The following FOXD4L1 variants were observed in gnomAD, a reference collection of about 807,000 sequenced individuals.
The protein encoded by FOXD4L1 is forkhead box protein D4-like 1.
In FOXD4L1, 10 loss-of-function variants were observed where a neutral mutation model predicts 24.8. That is an observed-to-expected ratio of 0.40 (90% confidence interval 0.25 to 0.68). The LOEUF (loss-of-function observed/expected upper bound fraction) is 0.68. Among genes scored for constraint, FOXD4L1 ranks in the 30% least tolerant of loss-of-function variants. The pLI is 0.37. For synonymous variants in FOXD4L1, 159 were observed against 256.4 expected, an observed-to-expected ratio of 0.62 and a Z score of 3.63; for missense variants, 364 against 572.4, an observed-to-expected ratio of 0.64 and a Z score of 3.72.
In FOXD4L1 at chr2:113,500,854, G is replaced by A. The variant is rs764409178; in HGVS notation, c.*371G>A. The A allele has an allele frequency of 1.1e-5, 5 of 450,426 alleles. No individual in the cohort carries two copies. The South Asian group carries it at 1.7e-4, about 15-fold the overall frequency. 27.9% of individuals were successfully genotyped at this position (450,426 alleles called of 1,614,324 possible). A position where few individuals can be genotyped will look rare whatever the true frequency, so the allele number is the denominator to read the frequency against. ...TTCCTGGGGTACTATGAACGTGAGTGGGGTATTTTGTTCTGGCATTAGAAG... is the reference window on the plus strand; with the variant it reads ...TTCCTGGGGTACTATGAACGTGAGTAGGGTATTTTGTTCTGGCATTAGAAG... On this transcript the variant is annotated 3_prime_UTR_variant, in exon 1 of 1. Transcript: ENST00000306507.
chr2:113,499,205 G>A (rs200404227), exon 1 of FOXD4L1: 4 of 1,611,666 alleles, frequency 2.5e-6, no homozygotes, highest in African/African-American at 2.7e-5. Flanking sequence ...AGCCCGCCCC[G>A]GGCCAGGTGA....
At chr2:113,499,993 C>T in exon 1 of FOXD4L1, 4 of 1,584,768 alleles carry the variant, frequency 2.5e-6, no homozygotes, top group East Asian at 4.6e-5. Context: ...CAGCCAGTCC[C>T]GGGGGCCTAC....
chr2:113,499,636 G>A, exon 1 of FOXD4L1: 1 of 1,612,172 alleles, frequency 6.2e-7, no homozygotes. Context: ...CCGCACAAGC[G>A]CCTCACGCTC....
At position 113,500,511 on chromosome 2, in the gene FOXD4L1, C is replaced by T. The variant is rs760135516; in HGVS notation, c.*28C>T. The T allele has an allele frequency of 6.6e-6, 10 of 1,515,260 alleles. 2 individuals are homozygous for T. The African/African-American group carries it at 1.4e-4, about 21-fold the overall frequency. 93.9% of individuals were successfully genotyped at this position (1,515,260 alleles called of 1,614,324 possible). A position where few individuals can be genotyped will look rare whatever the true frequency, so the allele number is the denominator to read the frequency against. On this transcript the variant is annotated 3_prime_UTR_variant, in exon 1 of 1. Coordinates refer to ENST00000306507, the Ensembl canonical transcript of FOXD4L1. ...TGACATCGCTGGCTGCCCCTTTGGG[C>T]GGAGAGGGGACCTCACCAGTTTTTT... is the stretch of plus-strand genomic sequence containing the variant.
At chr2:113,499,122 C>T in exon 1 of FOXD4L1, 1 of 1,500,300 alleles carries the variant, frequency 6.7e-7, no homozygotes. Flanking sequence ...TAGAAACAAG[C>T]AGAGGAAAAC....
At position 113,500,389 on chromosome 2, in the gene FOXD4L1, A is replaced by G. The variant is rs1682421571; in HGVS notation, c.1133A>G (p.Gln378Arg). ...GCAGCATCAGGAGGAGGACTGCGCC[A>G]ACGGCTGCGCTCCCACCAAGGGCGC... is the stretch of plus-strand genomic sequence containing the variant. Residue 378 changes from glutamine to arginine, a missense_variant, in exon 1 of 1, where the codon CAA becomes CGA. By Grantham distance (43) the Gln-to-Arg change is conservative. Coordinates refer to ENST00000306507, the Ensembl canonical transcript of FOXD4L1. 6.6e-7 allele frequency: 1 copy of G among 1,519,386 alleles called. No homozygotes were observed. The highest frequency in any genetic ancestry group is 1.4e-5 in the African/African-American group (1 of 72,200). The allele number at this position is 1,519,386 out of a possible 1,614,324, so 94.1% of individuals were successfully genotyped here. A position where few individuals can be genotyped will look rare whatever the true frequency, so the allele number is the denominator to read the frequency against.
chr2:113,500,330 G>T, exon 1 of FOXD4L1: 1 of 1,521,266 alleles, frequency 6.6e-7, no homozygotes. Flanking sequence ...TCCAGCGACC[G>T]TCAAGCCTGT....
exon 1 of FOXD4L1, chr2:113,499,200 G>A: frequency 6.2e-7 from 1 of 1,611,738 alleles, no homozygotes; most frequent in Middle Eastern, 2.3e-4. Context: ...AGCTCAGCCC[G>A]CCCCGGGCCA....
rs773095229 is a variant in FOXD4L1 at position 113,500,116 on chromosome 2, C to T, written c.860C>T (p.Ala287Val). The T allele has an allele frequency of 1.3e-5, 20 of 1,526,256 alleles. 4 individuals carry two copies. In the South Asian group the frequency reaches 2.1e-4, roughly 16 times the overall value. 94.5% of individuals were successfully genotyped at this position (1,526,256 alleles called of 1,614,324 possible). ...GGGGCACCGAAGAAAGCAGAAGGCG[C>T]GGACCTGGCGACCCCCGGCACCCTT... The change falls in exon 1 of 1, where the codon GCG (alanine) becomes GTG (valine). Residue 287 changes from alanine (A) to valine (V), a missense_variant. Coordinates refer to ENST00000306507, the Ensembl canonical transcript of FOXD4L1.
chr2:113,499,198 C>A (rs1474349139), exon 1 of FOXD4L1: 68 of 1,611,642 alleles, frequency 4.2e-5, no homozygotes, highest in Admixed American at 4.2e-4. Flanking sequence ...CCAGCTCAGC[C>A]CGCCCCGGGC....
In FOXD4L1 at chr2:113,499,232, C is replaced by T. The variant is rs778076263; in HGVS notation, c.-25C>T. On this transcript the variant is annotated 5_prime_UTR_variant, in exon 1 of 1. Coordinates refer to ENST00000306507, the Ensembl canonical transcript of FOXD4L1. ...GCCAGGTGATCGGCCGCCACATCCC[C>T]TGCGACTGAAGCACCTGCTCCGCCA... 15 of 1,611,680 alleles carry T rather than the reference C, an allele frequency of 9.3e-6. No individual in the cohort carries two copies. In the Admixed American group the frequency reaches 2.2e-4, roughly 23 times the overall value.
chr2:113,500,794 G>A (rs1256501217), exon 1 of FOXD4L1: 2 of 676,812 alleles, frequency 3.0e-6, no homozygotes, highest in Middle Eastern at 4.0e-4. Flanking sequence ...TCTTGCCTTC[G>A]GCTGTGGCTT....
Position 113,499,549 on chromosome 2 carries a change from C to T in FOXD4L1, c.293C>T (p.Ala98Val), listed in dbSNP as rs752043677. The T allele has an allele frequency of 4.4e-6, 7 of 1,607,208 alleles. No homozygotes were observed. The African/African-American group carries it at 8.1e-5, about 19-fold the overall frequency. ...AGGGCACCGCCAAGGTCTGCGGCGG[C>T]CTCTGAAGATGCCCGGCAGCCGGCA... Residue 98 changes from alanine (A) to valine (V), a missense_variant, in exon 1 of 1, where the codon GCC becomes GTC. Physicochemically the swap from Ala to Val is moderately conservative, Grantham distance 64. Coordinates refer to ENST00000306507, the Ensembl canonical transcript of FOXD4L1.
chr2:113,499,433 G>A, exon 1 of FOXD4L1: 2 of 1,601,282 alleles, frequency 1.2e-6, no homozygotes, highest in Non-Finnish European at 1.7e-6. Context: ...AGCCGGGGCT[G>A]CAGGTGGCCC....
chr2:113,499,401 A>C (rs2757970), exon 1 of FOXD4L1: 166,043 of 1,238,578 alleles, frequency 0.13, 46,490 homozygotes, highest in East Asian at 0.49. Flanking sequence ...GGCGAGCCAG[A>C]AGTTCCTAGA....
At chr2:113,499,650 G>T in exon 1 of FOXD4L1, 1 of 1,611,930 alleles carries the variant, frequency 6.2e-7, no homozygotes, top group Non-Finnish European at 8.5e-7. Context: ...CACGCTCAGC[G>T]GCATCTGCGC....
At chr2:113,500,785 C>T in exon 1 of FOXD4L1, 1 of 718,400 alleles carries the variant, frequency 1.4e-6, no homozygotes, top group Non-Finnish European at 2.1e-6. Flanking sequence ...GTCATCTTTT[C>T]TTGCCTTCGG....
chr2:113,499,897 T>G, exon 1 of FOXD4L1: 1 of 1,578,406 alleles, frequency 6.3e-7, no homozygotes, highest in South Asian at 1.1e-5. Context: ...GGAGCCCACC[T>G]GCCCCACCCC....
exon 1 of FOXD4L1, chr2:113,500,075 GGCCCCC>G: frequency 1.3e-6 from 2 of 1,583,110 alleles, no homozygotes; most frequent in Non-Finnish European, 1.7e-6. Flanking sequence ...TACTGCTCTC[GGCCCCC>G]GCCTATGCCG....
Sources: gnomAD v4.1 joint callset for allele counts on GRCh38, gnomAD v4.1.1 for gene constraint, MANE v1.5 for transcripts, NCBI Gene and HGNC (gene_info 2026-07-23, HGNC 2026-07-21) for gene names.